ANKRD17: variants seen among roughly 807,000 people sequenced by gnomAD.
ANKRD17 encodes ankyrin repeat domain-containing protein 17.
In ANKRD17, 19 loss-of-function variants were observed where a neutral mutation model predicts 229.7. The observed-to-expected ratio is 0.08, with a 90% CI of 0.06 to 0.12. The LOEUF is 0.12. Ranked by LOEUF, ANKRD17 falls within the 10% of genes least tolerant of loss-of-function variation. The pLI, the probability that ANKRD17 is intolerant of heterozygous loss-of-function variation, is 1.00. For missense variants in ANKRD17, 2,176 were observed against 3,176.8 expected, an observed-to-expected ratio of 0.68 and a Z score of 7.57; for synonymous variants, 1,112 against 1,146.1, an observed-to-expected ratio of 0.97 and a Z score of 0.60.
intron 16 of ANKRD17, 135 bp from the exon 17 acceptor site, chr4:73,125,447 G>T: frequency 1.4e-6 from 1 of 705,008 alleles, no homozygotes; most frequent in South Asian, 2.0e-5. Context: ...GAAAAGCAAG[G>T]TTTATGGACG....
At chr4:73,256,460 G>C (rs1237108221) in intron 1 of ANKRD17, among the ~76,000 whole-genome samples, 2 of 152,114 alleles carry the variant, frequency 1.3e-5, no homozygotes, top group African/African-American at 4.8e-5. Flanking sequence ...TTGCTATTCA[G>C]TAACTATTTT....
At chr4:73,168,185 A>G (rs959460828) in intron 2 of ANKRD17, among the ~76,000 whole-genome samples, 1 of 152,128 alleles carries the variant, frequency 6.6e-6, no homozygotes. Context: ...TTACTGTATT[A>G]CAAGATGTTT....
intron 1 of ANKRD17, among the ~76,000 whole-genome samples, chr4:73,240,513 T>TA (rs1233824694): frequency 6.7e-6 from 1 of 149,914 alleles, no homozygotes; most frequent in Non-Finnish European, 1.5e-5. Context: ...TAGTCCCAGA[T>TA]ACTTGGGAGG....
chr4:73,088,992 C>T (rs190344159), intron 29 of ANKRD17, among the ~76,000 whole-genome samples: 3 of 152,050 alleles, frequency 2.0e-5, no homozygotes, highest in East Asian at 3.9e-4. Context: ...GCTTTCTCTA[C>T]AAACACTGAA....
chr4:73,250,709 G>C (rs1744941161), intron 1 of ANKRD17, among the ~76,000 whole-genome samples: 1 of 147,716 alleles, frequency 6.8e-6, no homozygotes, highest in East Asian at 2.0e-4. Context: ...TGTTGTTGTT[G>C]TTGTTGTTGT....
intron 1 of ANKRD17, among the ~76,000 whole-genome samples, chr4:73,237,700 A>T (rs1241927910): frequency 6.6e-6 from 1 of 152,220 alleles, no homozygotes; most frequent in Non-Finnish European, 1.5e-5. Context: ...TGCTAAGCCT[A>T]TAGCAGAGAC....
intron 1 of ANKRD17, among the ~76,000 whole-genome samples, chr4:73,185,256 C>T (rs1453113304): frequency 6.6e-6 from 1 of 150,454 alleles, no homozygotes; most frequent in African/African-American, 2.4e-5. Flanking sequence ...CTGGAAAATA[C>T]CCTATTTATC....
At position 73,235,831 on chromosome 4, in the gene ANKRD17, A is replaced by C. The variant is rs115064600; in HGVS notation, c.393+22445T>G. ...AATAGTTTCAGAAAGAAAAAGAAGGAAGAAGGGAAGGTTCGTAATGATTTA... is the reference window on the plus strand; with the variant it reads ...AATAGTTTCAGAAAGAAAAAGAAGGCAGAAGGGAAGGTTCGTAATGATTTA... On this transcript the variant is annotated intron_variant, in intron 1 of 33. Coordinates refer to ENST00000358602, the MANE Select transcript of ANKRD17 (RefSeq NM_032217.5). 6.1e-3 allele frequency among the ~76,000 whole-genome samples: 935 copies of C among 152,206 alleles called. 11 individuals are homozygous for C. Among genetic ancestry groups the C allele is most frequent in the African/African-American group, 0.019 (780 of 41,560 alleles).
intron 24 of ANKRD17, chr4:73,112,577 A>G (rs991902303): frequency 1.2e-5 from 6 of 508,230 alleles, no homozygotes; most frequent in Non-Finnish European, 1.5e-5. Context: ...TTTTTCAGAA[A>G]ATAGTATTTT....
intron 15 of ANKRD17, among the ~76,000 whole-genome samples, chr4:73,138,075 G>A (rs997101645): frequency 3.3e-5 from 5 of 152,096 alleles, no homozygotes; most frequent in African/African-American, 1.2e-4. Flanking sequence ...AGTTTCACAT[G>A]ATAGAGCACT....
At chr4:73,163,594 A>G (rs1732823096) in intron 2 of ANKRD17, among the ~76,000 whole-genome samples, 1 of 152,252 alleles carries the variant, frequency 6.6e-6, no homozygotes, top group Admixed American at 6.5e-5. Flanking sequence ...GTGTTCAATA[A>G]TATCACATAA....
At chr4:73,179,077 C>A (rs1011081691) in intron 1 of ANKRD17, among the ~76,000 whole-genome samples, 1 of 151,914 alleles carries the variant, frequency 6.6e-6, no homozygotes, top group Non-Finnish European at 1.5e-5. Flanking sequence ...ACCTCAGAAA[C>A]GATACTGTTC....
intron 10 of ANKRD17, among the ~76,000 whole-genome samples, chr4:73,145,867 T>A (rs2148838701): frequency 6.6e-6 from 1 of 152,284 alleles, no homozygotes; most frequent in East Asian, 1.9e-4. Flanking sequence ...GATTAAATTA[T>A]AAATTATTAA....
intron 2 of ANKRD17, among the ~76,000 whole-genome samples, chr4:73,173,775 A>T (rs1233831448): frequency 6.6e-6 from 1 of 152,170 alleles, no homozygotes; most frequent in Non-Finnish European, 1.5e-5. Flanking sequence ...TAAAGGTAGA[A>T]GCAGCAGTGG....
intron 29 of ANKRD17, among the ~76,000 whole-genome samples, 153 bp downstream of exon 29, chr4:73,090,514 C>G (rs759876082): frequency 1.6e-4 from 25 of 152,160 alleles, no homozygotes; most frequent in Non-Finnish European, 2.5e-4. Flanking sequence ...AAAATAACAC[C>G]ATACTAAACA....
intron 3 of ANKRD17, among the ~76,000 whole-genome samples, chr4:73,160,372 C>G (rs1426059675): frequency 1.3e-5 from 2 of 152,108 alleles, no homozygotes; most frequent in African/African-American, 4.8e-5. Context: ...GCGTGCGCCA[C>G]CACACCCGGC....
intron 2 of ANKRD17, among the ~76,000 whole-genome samples, chr4:73,170,829 T>C (rs1733891882): frequency 6.6e-6 from 1 of 152,094 alleles, no homozygotes; most frequent in South Asian, 2.1e-4. Context: ...TATATCGTGG[T>C]TTGAGTGCCA....
intron 1 of ANKRD17, among the ~76,000 whole-genome samples, chr4:73,205,953 C>T (rs1289744423): frequency 2.6e-5 from 4 of 151,982 alleles, no homozygotes; most frequent in Admixed American, 2.0e-4. Flanking sequence ...CCAAAGAAAA[C>T]ATACACATGG....
intron 4 of ANKRD17, 33 bp from the exon 5 acceptor site, chr4:73,155,811 A>C: frequency 1.9e-6 from 3 of 1,606,058 alleles, no homozygotes; most frequent in Non-Finnish European, 2.6e-6. Flanking sequence ...AAAAGATATT[A>C]GGAAATAATC....
Sources: gnomAD v4.1 joint callset for allele counts (sites outside exome capture counted in the v4.1 genomes callset) on GRCh38, gnomAD v4.1.1 for gene constraint, MANE v1.5 for transcripts, NCBI Gene and HGNC (gene_info 2026-07-23, HGNC 2026-07-21) for gene names.